DPP10: variants seen among roughly 807,000 people sequenced by gnomAD.
DPP10 encodes dipeptidyl peptidase like 10, also known as inactive dipeptidyl peptidase 10.
In DPP10, 33 loss-of-function variants were observed where a neutral mutation model predicts 120.9. The ratio of observed to expected loss-of-function variants is 0.27; its 90% CI spans 0.21 to 0.37. The LOEUF (loss-of-function observed/expected upper bound fraction) is 0.37, where lower values mean the gene tolerates loss of function less well. DPP10 is among the 10% of genes least tolerant of loss of function. DPP10 has a pLI of 1.00. For missense variants in DPP10, 816 were observed against 942.8 expected, an observed-to-expected ratio of 0.87 and a Z score of 1.76; for synonymous variants, 337 against 326.1, an observed-to-expected ratio of 1.03 and a Z score of -0.36.
chr2:114,895,456 T>C (rs1479679501), intron 1 of DPP10, among the ~76,000 whole-genome samples: 1 of 152,196 alleles, frequency 6.6e-6, no homozygotes, highest in African/African-American at 2.4e-5. Flanking sequence ...ACAAGAGGTA[T>C]GTGGGTCACT....
intron 2 of DPP10, among the ~76,000 whole-genome samples, chr2:115,341,250 GT>G (rs535143139): frequency 6.6e-6 from 1 of 151,602 alleles, no homozygotes; most frequent in African/African-American, 2.4e-5. Context: ...AATACCCAGG[GT>G]TTTTTTAATA....
chr2:115,743,402 A>C (rs889513100), intron 9 of DPP10, among the ~76,000 whole-genome samples: 4 of 152,162 alleles, frequency 2.6e-5, no homozygotes, highest in African/African-American at 7.2e-5. Context: ...GACATAAAGA[A>C]AACTGCCTTA....
intron 3 of DPP10, among the ~76,000 whole-genome samples, chr2:115,460,956 G>T (rs1250786821): frequency 2.6e-5 from 4 of 152,124 alleles, no homozygotes; most frequent in African/African-American, 9.7e-5. Context: ...ACAATTTCTC[G>T]TTATATTTCA....
At chr2:115,034,133 G>A (rs1183874544) in intron 1 of DPP10, among the ~76,000 whole-genome samples, 1 of 151,760 alleles carries the variant, frequency 6.6e-6, no homozygotes, top group Non-Finnish European at 1.5e-5. Context: ...TTGACCTCGT[G>A]ATCTGCCTGC....
intron 2 of DPP10, among the ~76,000 whole-genome samples, chr2:115,320,132 ACTT>A (rs963081387): frequency 2.6e-4 from 40 of 152,238 alleles, no homozygotes; most frequent in African/African-American, 8.9e-4. Context: ...ATATAGTATC[ACTT>A]CTTCTCATAA....
At chr2:114,954,260 T>G (rs1011731836) in intron 1 of DPP10, among the ~76,000 whole-genome samples, 4 of 151,818 alleles carry the variant, frequency 2.6e-5, no homozygotes, top group Non-Finnish European at 5.9e-5. Context: ...TTTTTTGTAT[T>G]TTTTAGTAGA....
chr2:115,032,345 A>G (rs1437675881), intron 1 of DPP10, among the ~76,000 whole-genome samples: 2 of 152,216 alleles, frequency 1.3e-5, no homozygotes, highest in African/African-American at 4.8e-5. Flanking sequence ...CCATCTCTAT[A>G]TAGTTATGAG....
intron 1 of DPP10, among the ~76,000 whole-genome samples, chr2:114,721,225 G>A (rs1056966841): frequency 2.6e-5 from 4 of 152,136 alleles, no homozygotes; most frequent in Non-Finnish European, 4.4e-5. Flanking sequence ...ATTCTTCTCT[G>A]ATGCCTGCCC....
At chr2:115,434,057 C>T (rs1284111738) in intron 3 of DPP10, among the ~76,000 whole-genome samples, 1 of 151,848 alleles carries the variant, frequency 6.6e-6, no homozygotes, top group Non-Finnish European at 1.5e-5. Flanking sequence ...CAGAGATAGG[C>T]TCAGGTAGTA....
chr2:115,494,209 C>G (rs1159959299), intron 3 of DPP10, among the ~76,000 whole-genome samples: 9 of 152,106 alleles, frequency 5.9e-5, no homozygotes, highest in Non-Finnish European at 4.4e-5. Context: ...TCCCAAAATG[C>G]TGGATTACAA....
intron 1 of DPP10, among the ~76,000 whole-genome samples, chr2:114,560,213 G>A (rs2104937492): frequency 6.6e-6 from 1 of 152,314 alleles, no homozygotes; most frequent in East Asian, 1.9e-4. Context: ...ACTGCCCTGT[G>A]GGAGTTGGGA....
At chr2:115,118,900 C>T (rs1460130401) in intron 1 of DPP10, among the ~76,000 whole-genome samples, 1 of 151,942 alleles carries the variant, frequency 6.6e-6, no homozygotes, top group African/African-American at 2.4e-5. Flanking sequence ...CAGGTGTGAG[C>T]CACCGCGTCC....
intron 21 of DPP10, among the ~76,000 whole-genome samples, chr2:115,826,227 G>T (rs548401113): frequency 6.6e-6 from 1 of 152,142 alleles, no homozygotes; most frequent in Admixed American, 6.5e-5. Context: ...AGTCTGGTCC[G>T]TTGAGGCCTA....
At chr2:115,821,053 G>C (rs750738639) in intron 21 of DPP10, among the ~76,000 whole-genome samples, 14 of 152,050 alleles carry the variant, frequency 9.2e-5, no homozygotes, top group Non-Finnish European at 1.9e-4. Context: ...ACTGTTTTCC[G>C]TAGTGGTTGT....
intron 5 of DPP10, among the ~76,000 whole-genome samples, chr2:115,620,805 T>C (rs1470993221): frequency 6.6e-6 from 1 of 152,220 alleles, no homozygotes; most frequent in Non-Finnish European, 1.5e-5. Context: ...AGAATGACCA[T>C]ATAATTTATT....
chr2:115,227,627 T>G (rs569157130), intron 1 of DPP10, among the ~76,000 whole-genome samples: 4 of 152,228 alleles, frequency 2.6e-5, no homozygotes, highest in South Asian at 2.1e-4. Flanking sequence ...GTTCAGATAG[T>G]TTTGCTTTAG....
intron 5 of DPP10, among the ~76,000 whole-genome samples, chr2:115,549,918 T>C (rs1365759313): frequency 6.6e-6 from 1 of 152,132 alleles, no homozygotes; most frequent in Non-Finnish European, 1.5e-5. Context: ...ACACATACCA[T>C]TCTCCCAACT....
intron 1 of DPP10, among the ~76,000 whole-genome samples, chr2:114,858,286 G>C (rs956424401): frequency 3.3e-5 from 5 of 152,204 alleles, no homozygotes; most frequent in African/African-American, 1.2e-4. Flanking sequence ...ACTGTGCCCC[G>C]CCGCCGCTTG....
intron 2 of DPP10, 120 bp downstream of exon 2, chr2:115,309,473 T>C (rs1401853361): frequency 1.2e-6 from 1 of 856,730 alleles, no homozygotes; most frequent in Non-Finnish European, 1.7e-6. Flanking sequence ...TGGGTTGGAA[T>C]TTGGAAAAAA....
Sources: gnomAD v4.1 joint callset for allele counts (sites outside exome capture counted in the v4.1 genomes callset) on GRCh38, gnomAD v4.1.1 for gene constraint, MANE v1.5 for transcripts, NCBI Gene and HGNC (gene_info 2026-07-23, HGNC 2026-07-21) for gene names.